Variants in SYNE3 observed in about 807,000 individuals in gnomAD.
SYNE3 encodes the protein nesprin-3.
A neutral mutation model predicts 111.2 loss-of-function variants in SYNE3; 100 were observed. The observed-to-expected ratio is 0.90, with a 90% confidence interval of 0.77 to 1.06. SYNE3 has a LOEUF of 1.06. SYNE3 is among the 50% of genes least tolerant of loss of function. SYNE3 has a pLI of 0.00. For synonymous variants in SYNE3, 547 were observed against 533.9 expected, an observed-to-expected ratio of 1.02 and a Z score of -0.34; for missense variants, 1,160 against 1,240.3, an observed-to-expected ratio of 0.94 and a Z score of 0.97.
chr14:95,455,535 G>A lies in SYNE3; in HGVS notation c.979C>T (p.Leu327Phe). ...TGCTCCCAGGCTCCCCTGGACCGGA[G>A]CAGGCCCCGCAGCCGCTCCTCCTCC... ...EEEEERLRGLLRSRGAWEQQI... is the reference protein window; with the variant it reads ...EEEEERLRGLFRSRGAWEQQI... The change falls in exon 6 of 18, where the codon CTC becomes TTC. Residue 327 changes from leucine (L) to phenylalanine (F), a missense_variant. Coordinates refer to ENST00000682763, the MANE Select transcript of SYNE3 (RefSeq NM_152592.6). 2 of 1,613,944 alleles carry A rather than the reference G, an allele frequency of 1.2e-6. No individual in the cohort carries two copies. Among genetic ancestry groups the A allele is most frequent in the South Asian group, 2.2e-5 (2 of 91,066 alleles).
chr14:95,439,999 C>T lies in SYNE3; in HGVS notation c.1988G>A (p.Trp663Ter). The change falls in exon 12 of 18, where the codon TGG becomes TAG. Residue 663 changes from tryptophan to a stop codon, truncating the protein, a stop_gained. Coordinates refer to ENST00000682763, the MANE Select transcript of SYNE3 (RefSeq NM_152592.6). LOFTEE classifies it high-confidence loss of function. Reference protein sequence around the residue: ...FSHQLLELRQWIVVTTQKLEA... With the variant: ...FSHQLLELRQ ...CAGCTTTTGCGTGGTCACAACGATC[C>T]ACTGCCGCAGCTCCAGCAGCTGGTG... 1 of 1,613,410 alleles carries T rather than the reference C, an allele frequency of 6.2e-7. No homozygotes were observed. The highest frequency in any genetic ancestry group is 8.5e-7 in the Non-Finnish European group (1 of 1,180,036).
intron 1 of SYNE3, among the ~76,000 whole-genome samples, chr14:95,514,450 G>A (rs1890838842): frequency 6.6e-6 from 1 of 152,236 alleles, no homozygotes; most frequent in African/African-American, 2.4e-5. Context: ...AGGGAGAAGA[G>A]GGGCAGAGGC....
intron 1 of SYNE3, among the ~76,000 whole-genome samples, chr14:95,501,008 G>A (rs984966388): frequency 6.6e-6 from 1 of 152,212 alleles, no homozygotes; most frequent in Non-Finnish European, 1.5e-5. Context: ...GGGACTGATG[G>A]TCCACACGCT....
chr14:95,515,788 G>A (rs2139628959), intron 1 of SYNE3, among the ~76,000 whole-genome samples: 1 of 152,344 alleles, frequency 6.6e-6, no homozygotes, highest in African/African-American at 2.4e-5. Context: ...CAGGGCCAAA[G>A]TGGTTAACTG....
intron 17 of SYNE3, among the ~76,000 whole-genome samples, chr14:95,425,810 T>A (rs1434867684): frequency 6.6e-6 from 1 of 152,222 alleles, no homozygotes; most frequent in Non-Finnish European, 1.5e-5. Flanking sequence ...CAGCTTAAAA[T>A]TTTAAAATAT....
intron 9 of SYNE3, among the ~76,000 whole-genome samples, chr14:95,445,230 TG>T (rs1886643988): frequency 6.6e-6 from 1 of 152,206 alleles, no homozygotes; most frequent in African/African-American, 2.4e-5. Context: ...GCTGAAATCA[TG>T]GGCTGGGTCC....
At chr14:95,497,641 G>T (rs1402866868) in intron 1 of SYNE3, among the ~76,000 whole-genome samples, 2 of 152,154 alleles carry the variant, frequency 1.3e-5, no homozygotes, top group African/African-American at 4.8e-5. Context: ...TTCTGGAGAC[G>T]GTCAGAGAGC....
intron 17 of SYNE3, among the ~76,000 whole-genome samples, chr14:95,425,382 G>A (rs1292911242): frequency 3.3e-5 from 5 of 152,332 alleles, no homozygotes; most frequent in Admixed American, 2.6e-4. Flanking sequence ...GCCATAGGAC[G>A]TCCTAGAAAA....
At chr14:95,506,504 C>T (rs1159281408) in intron 1 of SYNE3, among the ~76,000 whole-genome samples, 2 of 152,224 alleles carry the variant, frequency 1.3e-5, no homozygotes, top group East Asian at 1.9e-4. Context: ...GCATGAGCAT[C>T]GGCCAGCAAC....
chr14:95,431,144 C>T (rs1350408538), intron 17 of SYNE3, among the ~76,000 whole-genome samples: 1 of 152,236 alleles, frequency 6.6e-6, no homozygotes, highest in African/African-American at 2.4e-5. Context: ...AGCAGGAAAA[C>T]ACAGCATTCA....
At chr14:95,489,469 C>T (rs1889730298) in intron 1 of SYNE3, among the ~76,000 whole-genome samples, 1 of 152,268 alleles carries the variant, frequency 6.6e-6, no homozygotes, top group African/African-American at 2.4e-5. Context: ...CCTCTGGGCA[C>T]AGCCCTTGCC....
intron 6 of SYNE3, among the ~76,000 whole-genome samples, chr14:95,455,155 A>G (rs1394843906): frequency 2.6e-5 from 4 of 152,110 alleles, no homozygotes; most frequent in Admixed American, 6.5e-5. Flanking sequence ...GATGTTGGGG[A>G]AAAAAGTCTC....
At chr14:95,479,949 G>A (rs1010857736) in intron 1 of SYNE3, among the ~76,000 whole-genome samples, 2 of 152,126 alleles carry the variant, frequency 1.3e-5, no homozygotes, top group Admixed American at 6.5e-5. Context: ...AGACGCACAC[G>A]GCCAAGGACA....
intron 17 of SYNE3, among the ~76,000 whole-genome samples, chr14:95,424,645 C>T (rs922168363): frequency 2.0e-5 from 3 of 152,132 alleles, no homozygotes; most frequent in African/African-American, 7.2e-5. Flanking sequence ...ACAAGTAAAC[C>T]ACAGCACCGC....
At chr14:95,450,214 G>C in intron 7 of SYNE3, 109 bp from the exon 8 acceptor site, 3 of 1,326,972 alleles carry the variant, frequency 2.3e-6, no homozygotes, top group South Asian at 1.5e-5. Flanking sequence ...CTGCTCCCAG[G>C]GTGGGCCTTC....
intron 4 of SYNE3, among the ~76,000 whole-genome samples, chr14:95,461,286 G>A (rs1887796072): frequency 6.6e-6 from 1 of 152,234 alleles, no homozygotes. Flanking sequence ...CGCCTTCTGT[G>A]AGGGCCGCCA....
chr14:95,483,038 G>A (rs953875601), intron 1 of SYNE3, among the ~76,000 whole-genome samples: 1 of 152,130 alleles, frequency 6.6e-6, no homozygotes, highest in Admixed American at 6.5e-5. Context: ...GTTCCAGGAA[G>A]GTAACTCCAG....
In SYNE3 at chr14:95,490,481, T is replaced by C. The variant is rs551276807; in HGVS notation, c.-14-14646A>G. ...GCCATGGCCAGCCCTTTATTACAGATAGGAAACAAGGCACAGAGATATTAA... is the reference window on the plus strand; with the variant it reads ...GCCATGGCCAGCCCTTTATTACAGACAGGAAACAAGGCACAGAGATATTAA... On this transcript the variant is annotated intron_variant, in intron 1 of 17. Transcript: ENST00000682763. 8.5e-5 allele frequency among the ~76,000 whole-genome samples: 13 copies of C among 152,302 alleles called. 1 individual carries two copies. In the South Asian group the frequency reaches 2.7e-3, roughly 32 times the overall value.
intron 15 of SYNE3, among the ~76,000 whole-genome samples, chr14:95,435,030 C>A (rs1886008327): frequency 6.6e-6 from 1 of 152,130 alleles, no homozygotes; most frequent in African/African-American, 2.4e-5. Context: ...CACATGAAGA[C>A]ACAAGAAACC....
Sources: allele counts gnomAD v4.1 joint callset (sites outside exome capture counted in the v4.1 genomes callset), GRCh38; gene constraint gnomAD v4.1.1; transcripts MANE v1.5; gene names NCBI Gene and HGNC (gene_info 2026-07-23, HGNC 2026-07-21).